DENND4A: variants seen among roughly 807,000 people sequenced by gnomAD.
DENND4A encodes DENN domain containing 4A, also known as C-myc promoter-binding protein.
DENND4A carries 70 observed loss-of-function variants against 199.3 expected under a neutral mutation model. The observed-to-expected ratio is 0.35, with a 90% confidence interval of 0.29 to 0.43. The LOEUF (loss-of-function observed/expected upper bound fraction) is 0.43. Among genes scored for constraint, DENND4A ranks in the 20% least tolerant of loss-of-function variants. The probability of loss-of-function intolerance (pLI) is 1.00; values close to 1 mark genes in which losing one functional copy is unlikely to be tolerated. For synonymous variants in DENND4A, 686 were observed against 766.9 expected, an observed-to-expected ratio of 0.89 and a Z score of 1.74; for missense variants, 1,723 against 2,255.8, an observed-to-expected ratio of 0.76 and a Z score of 4.78.
chr15:65,670,301 G>A (rs1277643696), intron 25 of DENND4A, 113 bp from the exon 26 acceptor site: 7 of 857,516 alleles, frequency 8.2e-6, no homozygotes, highest in Admixed American at 3.4e-5. Flanking sequence ...GGATTCAGAT[G>A]CTATACACAA....
intron 1 of DENND4A, among the ~76,000 whole-genome samples, chr15:65,788,233 C>G (rs1004856048): frequency 2.6e-5 from 4 of 152,124 alleles, no homozygotes; most frequent in Non-Finnish European, 5.9e-5. Flanking sequence ...CCTGCCACCA[C>G]GCCCGGCTAA....
rs577181444 is a variant in DENND4A at position 65,700,822 on chromosome 15, T to C, written c.2702-147A>G. 412 of 966,492 alleles carry C rather than the reference T, an allele frequency of 4.3e-4. 5 individuals are homozygous for C. The South Asian group carries it at 7.6e-3, about 18-fold the overall frequency. The allele number at this position is 966,492 out of a possible 1,614,324, so 59.9% of individuals were successfully genotyped here. A position where few individuals can be genotyped will look rare whatever the true frequency, so the allele number is the denominator to read the frequency against. ...AATACAACTATAACAAAGAAACCTA[T>C]TGTGAGTTATTAATGAACACTAAAA... On this transcript the variant is annotated intron_variant, in intron 19 of 32. Coordinates refer to ENST00000443035, the MANE Select transcript of DENND4A (RefSeq NM_001320835.1).
At chr15:65,709,008 A>T (rs183146773) in intron 14 of DENND4A, among the ~76,000 whole-genome samples, 1 of 152,270 alleles carries the variant, frequency 6.6e-6, no homozygotes. Context: ...AAAAGAGTTA[A>T]TATACCATGT....
At chr15:65,709,719 A>AC (rs1555422996) in intron 14 of DENND4A, among the ~76,000 whole-genome samples, 12 of 51,474 alleles carry the variant, frequency 2.3e-4, no homozygotes, top group Non-Finnish European at 3.5e-4. Context: ...AAAAAAAAAA[A>AC]ATATATATAT....
At chr15:65,740,280 CAA>C (rs879312103) in intron 5 of DENND4A, among the ~76,000 whole-genome samples, 16 of 107,954 alleles carry the variant, frequency 1.5e-4, no homozygotes, top group Admixed American at 3.0e-4. Flanking sequence ...TTCCATCTCC[CAA>C]AAAAAAAAAA....
At position 65,660,441 on chromosome 15, in the gene DENND4A, T is replaced by C; in HGVS notation, c.*1410A>G. The C allele has an allele frequency of 1.5e-6, 1 of 657,050 alleles. No individual in the cohort carries two copies. The highest frequency in any genetic ancestry group is 2.5e-6 in the Non-Finnish European group (1 of 396,694). The allele number at this position is 657,050 out of a possible 1,614,324, so 40.7% of individuals were successfully genotyped here. A position where few individuals can be genotyped will look rare whatever the true frequency, so the allele number is the denominator to read the frequency against. ...TGGCTTTATACACCTAATTTGGGAC[T>C]ATCCATTTTTTCCTTCTTTAAAGCT... On this transcript the variant is annotated 3_prime_UTR_variant, in exon 33 of 33. Coordinates refer to ENST00000443035, the MANE Select transcript of DENND4A (RefSeq NM_001320835.1).
rs368348361 is a variant in DENND4A at position 65,738,694 on chromosome 15, A to G, written c.801+12T>C. 170 of 1,591,436 alleles carry G rather than the reference A, an allele frequency of 1.1e-4. No individual in the cohort carries two copies. In the African/African-American group the frequency reaches 2.1e-3, roughly 19 times the overall value. On this transcript the variant is annotated intron_variant, in intron 6 of 32. Transcript: ENST00000443035. ...AGAAATTTGTAGATACAATTTGTCA[A>G]ACACATAATACCTTTTCAGCTGAGG...
chr15:65,696,813 T>TC (rs2142130914), intron 21 of DENND4A: 7 of 210,806 alleles, frequency 3.3e-5, no homozygotes, highest in Non-Finnish European at 6.9e-5. Flanking sequence ...TTAAACAAAC[T>TC]TTTTTTTTTT....
At chr15:65,791,479 GA>G (rs11336370) in intron 1 of DENND4A, among the ~76,000 whole-genome samples, 29,657 of 145,758 alleles carry the variant, frequency 0.2, 4,004 homozygotes, top group East Asian at 0.74. Flanking sequence ...AAAAAGACTA[GA>G]AAAAAAACTG....
At chr15:65,669,747 G>T in intron 27 of DENND4A, 32 bp downstream of exon 27, 1 of 1,542,176 alleles carries the variant, frequency 6.5e-7, no homozygotes, top group East Asian at 2.3e-5. Context: ...AATATATGTT[G>T]TTAAAATATA....
At chr15:65,680,834 T>G (rs1442599987) in intron 23 of DENND4A, 1 of 152,194 alleles carries the variant, frequency 6.6e-6, no homozygotes, top group Non-Finnish European at 1.5e-5. Flanking sequence ...GCATTATGTC[T>G]AAAAAATGCA....
chr15:65,715,980 T>C (rs1327883211), intron 13 of DENND4A, among the ~76,000 whole-genome samples: 1 of 152,000 alleles, frequency 6.6e-6, no homozygotes, highest in Non-Finnish European at 1.5e-5. Context: ...ATCATATATA[T>C]ATAAATGGCT....
chr15:65,716,442 G>A (rs971937242), intron 13 of DENND4A, among the ~76,000 whole-genome samples: 2 of 126,606 alleles, frequency 1.6e-5, no homozygotes, highest in African/African-American at 6.2e-5. Context: ...TCCCCTTCCT[G>A]TGTCCATGTG....
intron 14 of DENND4A, among the ~76,000 whole-genome samples, chr15:65,709,717 AAAATATATAT>A (rs1251480582): frequency 2.0e-5 from 2 of 99,524 alleles, no homozygotes; most frequent in African/African-American, 7.9e-5. Context: ...AAAAAAAAAA[AAAATATATAT>A]ATATATATAT....
intron 22 of DENND4A, among the ~76,000 whole-genome samples, chr15:65,695,807 G>C (rs984087387): frequency 6.6e-6 from 1 of 151,938 alleles, no homozygotes; most frequent in African/African-American, 2.4e-5. Context: ...ATTAACTATT[G>C]ATAATTTATG....
At chr15:65,757,842 C>G (rs1368324234) in intron 2 of DENND4A, among the ~76,000 whole-genome samples, 1 of 151,996 alleles carries the variant, frequency 6.6e-6, no homozygotes, top group Non-Finnish European at 1.5e-5. Context: ...ATTAGCCAGG[C>G]GTGGTGACAC....
At chr15:65,716,627 T>C (rs906276599) in intron 13 of DENND4A, among the ~76,000 whole-genome samples, 5 of 152,160 alleles carry the variant, frequency 3.3e-5, no homozygotes, top group Non-Finnish European at 7.3e-5. Context: ...TGCCACATTT[T>C]CTTAATCCAG....
At chr15:65,775,047 C>T (rs2077243770) in intron 1 of DENND4A, among the ~76,000 whole-genome samples, 1 of 152,012 alleles carries the variant, frequency 6.6e-6, no homozygotes, top group Non-Finnish European at 1.5e-5. Context: ...AAAATATGCA[C>T]TTCATAAGCT....
chr15:65,661,815 C>T lies in DENND4A; in HGVS notation c.*36G>A, dbSNP rs2075850971. On this transcript the variant is annotated 3_prime_UTR_variant, in exon 33 of 33. Transcript: ENST00000443035. ...AGTGTTATTTTATACACTGACTATA[C>T]AATATACATTGAATGTTTACACATA... 6.5e-7 allele frequency: 1 copy of T among 1,547,476 alleles called. No homozygotes were observed. The highest frequency in any genetic ancestry group is 8.8e-7 in the Non-Finnish European group (1 of 1,137,872).
Sources: allele counts gnomAD v4.1 joint callset (sites outside exome capture counted in the v4.1 genomes callset), GRCh38; gene constraint gnomAD v4.1.1; transcripts MANE v1.5; gene names NCBI Gene and HGNC (gene_info 2026-07-23, HGNC 2026-07-21).